ICE2: variants seen among roughly 807,000 people sequenced by gnomAD.
The protein encoded by ICE2 is interactor of little elongation complex ELL subunit 2.
A neutral mutation model predicts 105.4 loss-of-function variants in ICE2; 87 were observed. The observed-to-expected ratio is 0.83, with a 90% CI of 0.69 to 0.99. The LOEUF is 0.99. ICE2 is among the 50% of genes least tolerant of loss of function. The pLI is 0.00. For synonymous variants in ICE2, 399 were observed against 392.0 expected, an observed-to-expected ratio of 1.02 and a Z score of -0.21; for missense variants, 1,323 against 1,146.7, an observed-to-expected ratio of 1.15 and a Z score of -2.22.
At chr15:60,441,400 C>G (rs2063717037) in intron 12 of ICE2, 1 of 152,174 alleles carries the variant, frequency 6.6e-6, no homozygotes, top group Non-Finnish European at 1.5e-5. Context: ...AATAACCTTT[C>G]TTTGATTAAG....
chr15:60,423,663 C>G lies in ICE2; in HGVS notation c.2920G>C (p.Val974Leu), dbSNP rs2063275063. ...LPAQQVETEG[V>L]APHKRKIT ...GTTATTTTTCTTTTATGTGGAGCCA[C>G]TCCTTCAGTTTCAACTTGCTGAGCA... Residue 974 changes from valine (V) to leucine (L), a missense_variant, in exon 16 of 16, where the codon GTG (valine) becomes CTG (leucine). Coordinates refer to ENST00000261520, the MANE Select transcript of ICE2 (RefSeq NM_024611.6). The G allele has an allele frequency of 1.2e-6, 2 of 1,609,700 alleles. No homozygotes were observed. The highest frequency in any genetic ancestry group is 1.7e-5 in the Admixed American group (1 of 59,370).
At chr15:60,469,524 G>A (rs1019464851) in intron 3 of ICE2, among the ~76,000 whole-genome samples, 5 of 152,192 alleles carry the variant, frequency 3.3e-5, no homozygotes, top group Admixed American at 3.3e-4. Context: ...GAGTTCTCAT[G>A]TTTGAATTCC....
At chr15:60,435,536 C>G (rs1387362831) in intron 13 of ICE2, among the ~76,000 whole-genome samples, 1 of 150,348 alleles carries the variant, frequency 6.7e-6, no homozygotes, top group Non-Finnish European at 1.5e-5. Flanking sequence ...GAGGTGGAGG[C>G]TGCAGTGAAC....
chr15:60,452,872 A>G (rs1426106540), intron 9 of ICE2: 24 of 985,280 alleles, frequency 2.4e-5, no homozygotes, highest in Non-Finnish European at 2.9e-5. Flanking sequence ...GAAGATTAAC[A>G]ATCTGGCAAA....
At chr15:60,464,690 G>T (rs1161386130) in intron 5 of ICE2, among the ~76,000 whole-genome samples, 2 of 152,278 alleles carry the variant, frequency 1.3e-5, no homozygotes, top group East Asian at 3.9e-4. Context: ...GATGGGGGAT[G>T]GGAGGGAGGG....
At chr15:60,463,772 TA>T (rs1278226804) in intron 5 of ICE2, among the ~76,000 whole-genome samples, 1 of 151,448 alleles carries the variant, frequency 6.6e-6, no homozygotes, top group African/African-American at 2.4e-5. Flanking sequence ...CTCCGTCTCT[TA>T]AAAAAAGAAA....
At chr15:60,428,327 TTAA>T in intron 15 of ICE2, 99 bp downstream of exon 15, 1 of 1,251,522 alleles carries the variant, frequency 8.0e-7, no homozygotes, top group Non-Finnish European at 1.1e-6. Context: ...GGTGCTGTGA[TTAA>T]TATGACAATG....
chr15:60,456,908 A>G (rs1444141945), intron 5 of ICE2, 114 bp from the exon 6 acceptor site: 5 of 496,236 alleles, frequency 1.0e-5, no homozygotes, highest in African/African-American at 2.0e-5. Flanking sequence ...GCCCGATTTC[A>G]TTAATCAAGC....
chr15:60,457,729 C>T (rs2064166787), intron 5 of ICE2, among the ~76,000 whole-genome samples: 1 of 152,126 alleles, frequency 6.6e-6, no homozygotes, highest in African/African-American at 2.4e-5. Flanking sequence ...CTCTCTTCAT[C>T]TATGCTTTTC....
chr15:60,465,500 A>C (rs1429976414), intron 5 of ICE2, among the ~76,000 whole-genome samples: 1 of 152,178 alleles, frequency 6.6e-6, no homozygotes, highest in Non-Finnish European at 1.5e-5. Flanking sequence ...TTAAAAAAAC[A>C]GTGAAAGTGT....
Position 60,449,069 on chromosome 15 carries a change from T to A in ICE2, c.1898A>T (p.Lys633Ile). 1.2e-6 allele frequency: 2 copies of A among 1,613,680 alleles called. No homozygotes were observed. Among genetic ancestry groups the A allele is most frequent in the Non-Finnish European group, 1.7e-6 (2 of 1,179,846 alleles). ...CSPEESCVLK[K>I]PIKRVYKKFD... ...TTTTTTATATACTCGTTTGATAGGT[T>A]TTTTTAAAACACATGACTCTTCAGG... Residue 633 changes from lysine (K) to isoleucine (I), a missense_variant, in exon 10 of 16, where the codon AAA (lysine) becomes ATA (isoleucine). Physicochemically the swap from Lys to Ile is moderately radical, Grantham distance 102 (BLOSUM62 -3). Transcript: ENST00000261520.
At chr15:60,454,475 T>C (rs1233498227) in intron 8 of ICE2, among the ~76,000 whole-genome samples, 3 of 152,060 alleles carry the variant, frequency 2.0e-5, no homozygotes, top group East Asian at 1.9e-4. Flanking sequence ...CCCTATGCCA[T>C]CATTTTGTCT....
In ICE2 at chr15:60,456,671, T is replaced by G; in HGVS notation, c.652A>C (p.Thr218Pro). ...RVEMGLKLEK[T>P]LLALGSVKYV... ...ATAAACCTTACCAATGCGAGAAGAG[T>G]TTTTTCTAACTTTAATCCCATCTCT... Residue 218 changes from threonine (T) to proline (P), a missense_variant, in exon 6 of 16, where the codon ACT becomes CCT. By Grantham distance (38) the Thr-to-Pro change is conservative. Coordinates refer to ENST00000261520, the MANE Select transcript of ICE2 (RefSeq NM_024611.6). 1 of 1,575,114 alleles carries G rather than the reference T, an allele frequency of 6.3e-7. No individual in the cohort carries two copies. The highest frequency in any genetic ancestry group is 8.6e-7 in the Non-Finnish European group (1 of 1,165,394).
At chr15:60,425,507 A>G (rs1215610770) in intron 15 of ICE2, among the ~76,000 whole-genome samples, 1 of 152,222 alleles carries the variant, frequency 6.6e-6, no homozygotes, top group African/African-American at 2.4e-5. Flanking sequence ...AAAGACTGGA[A>G]GCAGAAGTCA....
At chr15:60,433,766 C>T (rs2063516453) in intron 13 of ICE2, among the ~76,000 whole-genome samples, 1 of 150,970 alleles carries the variant, frequency 6.6e-6, no homozygotes, top group African/African-American at 2.4e-5. Context: ...GTGGGGATTA[C>T]AGGCATGAGC....
intron 5 of ICE2, among the ~76,000 whole-genome samples, chr15:60,457,836 G>C (rs17270160): frequency 6.6e-6 from 1 of 152,034 alleles, no homozygotes; most frequent in African/African-American, 2.4e-5. Flanking sequence ...CTGCAAACTC[G>C]TATCTGCAAA....
intron 13 of ICE2, among the ~76,000 whole-genome samples, chr15:60,434,674 C>T (rs1422563191): frequency 6.6e-6 from 1 of 152,028 alleles, no homozygotes; most frequent in Non-Finnish European, 1.5e-5. Context: ...ACAAATATTG[C>T]ATGCTTTCAA....
At chr15:60,471,862 T>A (rs1427138727) in intron 3 of ICE2, among the ~76,000 whole-genome samples, 11 of 152,072 alleles carry the variant, frequency 7.2e-5, no homozygotes, top group Admixed American at 2.0e-4. Flanking sequence ...GTTTGGTAGC[T>A]TATTTAAAAG....
At chr15:60,452,865 G>T in intron 9 of ICE2, 2 of 985,294 alleles carry the variant, frequency 2.0e-6, no homozygotes, top group Non-Finnish European at 2.4e-6. Context: ...GTATACTGAA[G>T]ATTAACAATC....
Sources: gnomAD v4.1 joint callset for allele counts (sites outside exome capture counted in the v4.1 genomes callset) on GRCh38, gnomAD v4.1.1 for gene constraint, MANE v1.5 for transcripts, NCBI Gene and HGNC (gene_info 2026-07-23, HGNC 2026-07-21) for gene names.